The following ITPR2 variants were observed in gnomAD, a reference collection of about 807,000 sequenced individuals.
The protein encoded by ITPR2 is inositol 1,4,5-trisphosphate receptor type 2, also known as inositol 1,4,5-trisphosphate-gated calcium channel ITPR2.
A neutral mutation model predicts 317.1 loss-of-function variants in ITPR2; 207 were observed. The ratio of observed to expected loss-of-function variants is 0.65; its 90% confidence interval spans 0.58 to 0.73. ITPR2 has a LOEUF of 0.73. Among genes scored for constraint, ITPR2 ranks in the 30% least tolerant of loss-of-function variants. The pLI is 0.00. For synonymous variants in ITPR2, 1,156 were observed against 1,149.1 expected (o/e 1.01, Z -0.12); for missense variants, 2,613 against 3,284.0 (o/e 0.80, Z 4.99).
chr12:26,772,879 T>C (rs1949897828), intron 2 of ITPR2, among the ~76,000 whole-genome samples: 1 of 152,052 alleles, frequency 6.6e-6, no homozygotes, highest in African/African-American at 2.4e-5. Context: ...GCATTAGGTA[T>C]TTGTCCTAAT....
chr12:26,744,359 T>C (rs1187679649), intron 2 of ITPR2, among the ~76,000 whole-genome samples: 3 of 152,212 alleles, frequency 2.0e-5, no homozygotes, highest in Non-Finnish European at 4.4e-5. Context: ...TCAGGGACTT[T>C]GCCCTGGATG....
At chr12:26,411,993 A>T (rs765676526) in intron 51 of ITPR2, among the ~76,000 whole-genome samples, 4 of 152,220 alleles carry the variant, frequency 2.6e-5, no homozygotes, top group African/African-American at 4.8e-5. Flanking sequence ...CTGACACAGA[A>T]TAGAATAGAA....
chr12:26,507,863 C>CTCTCTCTG (rs372756412), intron 37 of ITPR2, among the ~76,000 whole-genome samples: 1 of 132,200 alleles, frequency 7.6e-6, no homozygotes, highest in Admixed American at 7.7e-5. Flanking sequence ...CTCTCTGTCT[C>CTCTCTCTG]TGTGTGTGTG....
At chr12:26,453,400 A>C (rs1239909186) in intron 45 of ITPR2, among the ~76,000 whole-genome samples, 3 of 152,268 alleles carry the variant, frequency 2.0e-5, no homozygotes, top group Non-Finnish European at 2.9e-5. Flanking sequence ...TGTCCTAGTC[A>C]AAAGAGTTAA....
chr12:26,427,162 G>A (rs1257322228), intron 49 of ITPR2, among the ~76,000 whole-genome samples: 1 of 152,086 alleles, frequency 6.6e-6, no homozygotes, highest in East Asian at 1.9e-4. Context: ...GGAAAAGATC[G>A]AAAGTGTCTA....
At chr12:26,712,402 C>G (rs1329514053) in intron 8 of ITPR2, among the ~76,000 whole-genome samples, 1 of 152,122 alleles carries the variant, frequency 6.6e-6, no homozygotes, top group African/African-American at 2.4e-5. Context: ...ACTCTCATAA[C>G]TCAGATAAGA....
intron 26 of ITPR2, among the ~76,000 whole-genome samples, chr12:26,605,727 T>C (rs576481310): frequency 6.6e-6 from 1 of 152,276 alleles, no homozygotes; most frequent in East Asian, 1.9e-4. Flanking sequence ...CTAAACTCTG[T>C]ATGTGTGGGA....
intron 29 of ITPR2, 58 bp downstream of exon 29, chr12:26,599,929 C>A: frequency 7.4e-7 from 1 of 1,349,948 alleles, no homozygotes; most frequent in Non-Finnish European, 1.0e-6. Context: ...ATGAATGTTA[C>A]TGAGACAAAT....
At chr12:26,474,569 G>A (rs913038604) in intron 45 of ITPR2, among the ~76,000 whole-genome samples, 6 of 152,024 alleles carry the variant, frequency 3.9e-5, no homozygotes, top group Admixed American at 2.6e-4. Flanking sequence ...CGAGGCGGGC[G>A]GATCACGAGG....
intron 1 of ITPR2, among the ~76,000 whole-genome samples, chr12:26,792,045 C>T (rs1267277832): frequency 6.6e-6 from 1 of 152,174 alleles, no homozygotes; most frequent in African/African-American, 2.4e-5. Context: ...GAGTCCCCGC[C>T]TGTGTGGACC....
intron 2 of ITPR2, among the ~76,000 whole-genome samples, chr12:26,761,403 A>G (rs1949630827): frequency 6.6e-6 from 1 of 152,220 alleles, no homozygotes; most frequent in Admixed American, 6.5e-5. Flanking sequence ...GAAACACAAA[A>G]CCACCAACAA....
chr12:26,646,116 A>G (rs1415529569), intron 21 of ITPR2, among the ~76,000 whole-genome samples: 2 of 152,006 alleles, frequency 1.3e-5, no homozygotes, highest in Non-Finnish European at 2.9e-5. Context: ...TTTTCTAAAA[A>G]GGTTGTTTTG....
chr12:26,620,084 T>G (rs1445415939), intron 26 of ITPR2, among the ~76,000 whole-genome samples: 1 of 152,180 alleles, frequency 6.6e-6, no homozygotes, highest in Non-Finnish European at 1.5e-5. Flanking sequence ...ACGGTCCCTC[T>G]GTATCACAGA....
chr12:26,619,076 A>G (rs1395660785), intron 26 of ITPR2, among the ~76,000 whole-genome samples: 1 of 152,210 alleles, frequency 6.6e-6, no homozygotes, highest in Non-Finnish European at 1.5e-5. Context: ...AGAATATGCT[A>G]CCTCAGGTGG....
chr12:26,539,900 G>A (rs935980334), intron 37 of ITPR2, among the ~76,000 whole-genome samples: 2 of 152,222 alleles, frequency 1.3e-5, no homozygotes, highest in African/African-American at 4.8e-5. Flanking sequence ...AGGTCAATGT[G>A]CTGCATTGCA....
chr12:26,436,244 G>T lies in ITPR2; in HGVS notation c.6746C>A (p.Pro2249Gln), dbSNP rs778656725. 7 of 1,610,772 alleles carry T rather than the reference G, an allele frequency of 4.3e-6. No individual in the cohort carries two copies. Among genetic ancestry groups the T allele is most frequent in the Non-Finnish European group, 5.9e-6 (7 of 1,178,788 alleles). The part of the protein sequence containing the change: ...FINLAVALFY[P>Q]FGDDGDEGTL... Reference sequence around the variant, plus strand: ...GCCTTCATCTCCATCATCCCCAAATGGGTAGAAGAGAGCAACAGCTAAATT... The same window carrying T: ...GCCTTCATCTCCATCATCCCCAAATTGGTAGAAGAGAGCAACAGCTAAATT... The change falls in exon 48 of 57, where the codon CCA becomes CAA. Residue 2249 changes from proline to glutamine, a missense_variant. Transcript: ENST00000381340.
chr12:26,375,306 A>G (rs974837916), intron 55 of ITPR2, among the ~76,000 whole-genome samples: 3 of 152,250 alleles, frequency 2.0e-5, no homozygotes, highest in Non-Finnish European at 4.4e-5. Flanking sequence ...ACATCCCTTC[A>G]TAAGTCTAAA....
chr12:26,400,339 TA>T (rs1940133904), intron 52 of ITPR2, 81 bp from the exon 53 acceptor site: 1 of 737,028 alleles, frequency 1.4e-6, no homozygotes, highest in African/African-American at 1.8e-5. Flanking sequence ...GAAATATACA[TA>T]CAATAAATAT....
In ITPR2 at chr12:26,622,384, T is replaced by G. The variant is rs747523037; in HGVS notation, c.3144A>C (p.Gln1048His). 1 of 1,603,010 alleles carries G rather than the reference T, an allele frequency of 6.2e-7. No homozygotes were observed. Among genetic ancestry groups the G allele is most frequent in the Non-Finnish European group, 8.5e-7 (1 of 1,176,704 alleles). The change falls in exon 25 of 57, where the codon CAA becomes CAC. Residue 1048 changes from glutamine (Q) to histidine (H), a missense_variant. Physicochemically the swap from Gln to His is conservative, Grantham distance 24 (BLOSUM62 0). Coordinates refer to ENST00000381340, the MANE Select transcript of ITPR2 (RefSeq NM_002223.4). ...ACGTCCTGCCTCCTTCATCGTCAAG[T>G]TGAACTGGATTTTTTTCTTTTCTAT... ...FAGRKEKNPVQLDDEGGRTFL... is the reference protein window; with the variant it reads ...FAGRKEKNPVHLDDEGGRTFL...
Sources: allele counts gnomAD v4.1 joint callset (sites outside exome capture counted in the v4.1 genomes callset), GRCh38; gene constraint gnomAD v4.1.1; transcripts MANE v1.5; gene names NCBI Gene and HGNC (gene_info 2026-07-23, HGNC 2026-07-21).